EYS: variants seen among roughly 807,000 people sequenced by gnomAD.
EYS encodes protein eyes shut homolog.
A neutral mutation model predicts 282.1 loss-of-function variants in EYS; 250 were observed. The ratio of observed to expected loss-of-function variants is 0.89; its 90% CI spans 0.80 to 0.98. The LOEUF is 0.98. EYS is among the 50% of genes least tolerant of loss of function. EYS has a pLI of 0.00. For missense variants in EYS, 4,016 were observed against 3,709.0 expected, an observed-to-expected ratio of 1.08 and a Z score of -2.15; for synonymous variants, 1,355 against 1,282.9, an observed-to-expected ratio of 1.06 and a Z score of -1.20.
chr6:64,195,022 T>A (rs972797681), intron 31 of EYS, among the ~76,000 whole-genome samples: 4 of 152,246 alleles, frequency 2.6e-5, no homozygotes, highest in African/African-American at 9.6e-5. Flanking sequence ...ATTATTTTTA[T>A]ATATTTTAAT....
chr6:65,201,915 C>T (rs990601858), intron 12 of EYS, among the ~76,000 whole-genome samples: 1 of 151,932 alleles, frequency 6.6e-6, no homozygotes, highest in Non-Finnish European at 1.5e-5. Context: ...GAGTTTGAGG[C>T]CAGCCTGGGC....
chr6:64,537,015 T>C (rs2149796703), intron 26 of EYS, among the ~76,000 whole-genome samples: 1 of 152,114 alleles, frequency 6.6e-6, no homozygotes, highest in Admixed American at 6.5e-5. Context: ...TTTTGTTTTT[T>C]TTTTATTATA....
rs75913501 is a variant in EYS at position 65,508,336 on chromosome 6, C to A, written c.-332-12343G>T. Among the ~76,000 whole-genome samples the A allele has an allele frequency of 2.8e-3, 432 of 152,070 alleles. 2 individuals are homozygous for A. Among genetic ancestry groups the A allele is most frequent in the East Asian group, 0.019 (98 of 5,140 alleles). Reference sequence around the variant, plus strand: ...ATGGTCTATGATCCTCCAGTTAAATCTCAGTCTTTTCTTGGGTCTGTGTCT... The same window carrying A: ...ATGGTCTATGATCCTCCAGTTAAATATCAGTCTTTTCTTGGGTCTGTGTCT... On this transcript the variant is annotated intron_variant, in intron 2 of 42. Coordinates refer to ENST00000503581, the MANE Select transcript of EYS (RefSeq NM_001142800.2).
intron 22 of EYS, among the ~76,000 whole-genome samples, chr6:64,636,150 G>T (rs1767972466): frequency 6.6e-6 from 1 of 152,084 alleles, no homozygotes; most frequent in South Asian, 2.1e-4. Context: ...TAAGCCAAAA[G>T]AACAAAGCCA....
chr6:64,093,935 A>G (rs1772476047), intron 31 of EYS, among the ~76,000 whole-genome samples: 1 of 152,178 alleles, frequency 6.6e-6, no homozygotes, highest in African/African-American at 2.4e-5. Context: ...CCCCATCAAT[A>G]ACTACTTTAT....
At chr6:63,816,302 A>G (rs1410323975) in intron 36 of EYS, among the ~76,000 whole-genome samples, 1 of 152,230 alleles carries the variant, frequency 6.6e-6, no homozygotes, top group Non-Finnish European at 1.5e-5. Context: ...GTATTATAGA[A>G]CTACAAAAGA....
chr6:63,967,461 T>C (rs1335097859), intron 35 of EYS, among the ~76,000 whole-genome samples: 1 of 152,216 alleles, frequency 6.6e-6, no homozygotes, highest in African/African-American at 2.4e-5. Flanking sequence ...CATATTAAGA[T>C]GTTTCTGGAG....
intron 1 of EYS, among the ~76,000 whole-genome samples, chr6:65,668,935 G>A (rs537181863): frequency 7.9e-5 from 12 of 151,966 alleles, no homozygotes; most frequent in African/African-American, 2.6e-4. Flanking sequence ...AACTAATTTT[G>A]TACCTGGAAA....
At chr6:64,897,053 C>T (rs1767498380) in intron 18 of EYS, among the ~76,000 whole-genome samples, 1 of 152,172 alleles carries the variant, frequency 6.6e-6, no homozygotes, top group Non-Finnish European at 1.5e-5. Context: ...AACATTCCTG[C>T]TTGCCAGCTC....
chr6:64,956,809 C>T (rs1299744893), intron 14 of EYS, among the ~76,000 whole-genome samples: 4 of 152,088 alleles, frequency 2.6e-5, no homozygotes, highest in Non-Finnish European at 4.4e-5. Context: ...AGAAGACACA[C>T]AAATGGCAAA....
chr6:63,921,728 A>C (rs1044260109), intron 35 of EYS, among the ~76,000 whole-genome samples: 6 of 152,216 alleles, frequency 3.9e-5, no homozygotes, highest in African/African-American at 1.4e-4. Flanking sequence ...AATCAATAGG[A>C]ACAATATCAT....
intron 23 of EYS, among the ~76,000 whole-genome samples, chr6:64,624,840 A>C (rs1767555627): frequency 6.6e-6 from 1 of 152,118 alleles, no homozygotes; most frequent in South Asian, 2.1e-4. Flanking sequence ...GGCTTTCTGA[A>C]GTCTTCTGTG....
intron 22 of EYS, among the ~76,000 whole-genome samples, chr6:64,692,295 TC>T (rs1770415878): frequency 6.6e-6 from 1 of 152,214 alleles, no homozygotes; most frequent in South Asian, 2.1e-4. Context: ...TTGTATGCTT[TC>T]TTTGGAGAAG....
intron 22 of EYS, among the ~76,000 whole-genome samples, chr6:64,689,208 A>T (rs1164414448): frequency 6.6e-6 from 1 of 152,102 alleles, no homozygotes; most frequent in Non-Finnish European, 1.5e-5. Context: ...TCATGAGTGA[A>T]CTCCCATTCA....
At chr6:64,709,505 A>G (rs1771138436) in intron 22 of EYS, among the ~76,000 whole-genome samples, 1 of 152,166 alleles carries the variant, frequency 6.6e-6, no homozygotes. Context: ...ATTTATATTC[A>G]ATAGGCTACC....
chr6:65,588,382 G>A (rs556995497), intron 2 of EYS, among the ~76,000 whole-genome samples: 155 of 152,070 alleles, frequency 1.0e-3, no homozygotes, highest in Non-Finnish European at 1.7e-3. Context: ...ATCTCCAGAT[G>A]TGGGCCTGTC....
At chr6:64,293,305 T>C (rs1244299926) in intron 30 of EYS, among the ~76,000 whole-genome samples, 1 of 152,136 alleles carries the variant, frequency 6.6e-6, no homozygotes, top group East Asian at 1.9e-4. Flanking sequence ...TATAAAAACA[T>C]GTTATATGCT....
rs540870563 is a variant in EYS, at chr6:64,819,667, A to G, written c.3243+1978T>C. ...AGATGAGAATATAATAATATATTTAAAATATTACAGTGGGAAGGATTTCTT... is the reference window on the plus strand; with the variant it reads ...AGATGAGAATATAATAATATATTTAGAATATTACAGTGGGAAGGATTTCTT... On this transcript the variant is annotated intron_variant, in intron 21 of 42. Transcript: ENST00000503581. Among the ~76,000 whole-genome samples the G allele has an allele frequency of 4.6e-5, 7 of 152,038 alleles. No homozygotes were observed. The South Asian group carries it at 1.4e-3, about 31-fold the overall frequency.
intron 19 of EYS, among the ~76,000 whole-genome samples, chr6:64,850,822 A>G (rs545576138): frequency 6.6e-6 from 1 of 152,192 alleles, no homozygotes; most frequent in South Asian, 2.1e-4. Flanking sequence ...ATATTAGACT[A>G]GTTTTGTGGT....
Sources: gnomAD v4.1 joint callset for allele counts (sites outside exome capture counted in the v4.1 genomes callset) on GRCh38, gnomAD v4.1.1 for gene constraint, MANE v1.5 for transcripts, NCBI Gene and HGNC (gene_info 2026-07-23, HGNC 2026-07-21) for gene names.